The following RUFY1 variants were observed in gnomAD, a reference collection of about 807,000 sequenced individuals.
RUFY1 encodes the protein RUN and FYVE domain containing 1, also known as RUN and FYVE domain-containing protein 1.
RUFY1 carries 54 observed loss-of-function variants against 94.6 expected under a neutral mutation model. That is an observed-to-expected ratio of 0.57 (90% confidence interval 0.46 to 0.72). The LOEUF (loss-of-function observed/expected upper bound fraction) is 0.72. Ranked by LOEUF, RUFY1 falls within the 30% of genes least tolerant of loss-of-function variation. The pLI, the probability that RUFY1 is intolerant of heterozygous loss-of-function variation, is 0.00. For missense variants in RUFY1, 883 were observed against 883.9 expected, an observed-to-expected ratio of 1.00 and a Z score of 0.01; for synonymous variants, 396 against 347.3, an observed-to-expected ratio of 1.14 and a Z score of -1.56.
intron 5 of RUFY1, among the ~76,000 whole-genome samples, chr5:179,570,461 G>GT: frequency 6.6e-6 from 1 of 152,196 alleles, no homozygotes; most frequent in Non-Finnish European, 1.5e-5. Context: ...GTAAGGTGTA[G>GT]AGTGCTCTGT....
At chr5:179,574,818 A>G (rs868354038) in intron 5 of RUFY1, among the ~76,000 whole-genome samples, 8 of 152,296 alleles carry the variant, frequency 5.3e-5, no homozygotes, top group African/African-American at 1.4e-4. Context: ...TTATTTATCA[A>G]TTCTACTTTG....
At chr5:179,578,608 A>G (rs1016603396) in intron 6 of RUFY1, among the ~76,000 whole-genome samples, 1 of 151,964 alleles carries the variant, frequency 6.6e-6, no homozygotes, top group African/African-American at 2.4e-5. Context: ...GAAAAAAACA[A>G]TGTATAACAT....
At position 179,609,702 on chromosome 5, in the gene RUFY1, G is replaced by A. The variant is rs933223388; in HGVS notation, c.*183G>A. ...GCTCTCACCTTTCTGTGACTTGTTCGGAATTAACTCCTCTGGATGGAAACT... is the reference window on the plus strand; with the variant it reads ...GCTCTCACCTTTCTGTGACTTGTTCAGAATTAACTCCTCTGGATGGAAACT... On this transcript the variant is annotated 3_prime_UTR_variant, in exon 18 of 18. Transcript: ENST00000319449. 1.2e-4 allele frequency: 69 copies of A among 557,656 alleles called. 1 individual carries two copies. The highest frequency in any genetic ancestry group is 9.8e-4 in the African/African-American group (51 of 52,030). The allele number at this position is 557,656 out of a possible 1,614,324, so 34.5% of individuals were successfully genotyped here.
intron 7 of RUFY1, among the ~76,000 whole-genome samples, chr5:179,583,750 A>G (rs28674968): frequency 0.042 from 5,582 of 134,440 alleles, 361 homozygotes; most frequent in African/African-American, 0.14. Context: ...TTTATTTTTT[A>G]TTTTATTTTA....
chr5:179,577,628 TCCGGGGCTGGAGGGGAGG>T (rs1375660061), intron 6 of RUFY1, among the ~76,000 whole-genome samples: 2 of 62,956 alleles, frequency 3.2e-5, no homozygotes, highest in East Asian at 1.0e-3. Context: ...AAAGAGCAAA[TCCGGGGCTGGAGGGGAGG>T]GCGGGGGTGG....
At chr5:179,596,106 T>C (rs1765615212) in intron 12 of RUFY1, 1 of 211,548 alleles carries the variant, frequency 4.7e-6, no homozygotes, top group African/African-American at 2.4e-5. Context: ...CTGCATTGGG[T>C]GATGGATAAA....
At position 179,550,600 on chromosome 5, in the gene RUFY1, G is replaced by T. The variant is rs1457672802; in HGVS notation, c.31G>T (p.Gly11Trp). The T allele has an allele frequency of 9.3e-6, 12 of 1,293,350 alleles. No individual in the cohort carries two copies. The highest frequency in any genetic ancestry group is 1.1e-5 in the Non-Finnish European group (11 of 1,030,368). 80.1% of individuals were successfully genotyped at this position (1,293,350 alleles called of 1,614,324 possible). MADREGGCAA[G>W]RGRELEPELE... ...CGACCGGGAAGGCGGCTGCGCTGCTGGGCGGGGGCGGGAGCTGGAGCCGGA... is the reference window on the plus strand; with the variant it reads ...CGACCGGGAAGGCGGCTGCGCTGCTTGGCGGGGGCGGGAGCTGGAGCCGGA... The change falls in exon 1 of 18, where the codon GGG becomes TGG. Residue 11 changes from glycine to tryptophan, a missense_variant. Transcript: ENST00000319449.
intron 5 of RUFY1, 30 bp from the exon 6 acceptor site, chr5:179,577,045 A>C (rs972681185): frequency 7.0e-7 from 1 of 1,427,968 alleles, no homozygotes; most frequent in Non-Finnish European, 9.8e-7. Flanking sequence ...AGGACATTTT[A>C]TTTAAACTTG....
intron 14 of RUFY1, among the ~76,000 whole-genome samples, chr5:179,600,684 C>CTTTTTTTTTTTTTTTTTTTTT (rs398000079): frequency 1.8e-5 from 1 of 54,662 alleles, no homozygotes; most frequent in African/African-American, 8.0e-5. Context: ...ATGATGGTAA[C>CTTTTTTTTTTTTTTTTTTTTT]TTTTTTTTTT....
chr5:179,557,621 A>G (rs529364578), intron 1 of RUFY1, among the ~76,000 whole-genome samples: 2 of 152,232 alleles, frequency 1.3e-5, no homozygotes, highest in African/African-American at 4.8e-5. Context: ...ATTTTCATCA[A>G]ATACTTAGCT....
intron 6 of RUFY1, among the ~76,000 whole-genome samples, chr5:179,578,761 A>T (rs1219811035): frequency 6.6e-6 from 1 of 151,588 alleles, no homozygotes; most frequent in Non-Finnish European, 1.5e-5. Context: ...CTCCTGCCTC[A>T]ACCTTCCTGA....
At chr5:179,606,759 TTGA>T (rs1478058570) in intron 16 of RUFY1, 1 of 152,044 alleles carries the variant, frequency 6.6e-6, no homozygotes, top group Non-Finnish European at 1.5e-5. Flanking sequence ...CCAGAGCTCT[TTGA>T]TGTCAGGATG....
chr5:179,582,733 C>T (rs1199231758), intron 7 of RUFY1, among the ~76,000 whole-genome samples: 3 of 151,984 alleles, frequency 2.0e-5, no homozygotes, highest in Non-Finnish European at 2.9e-5. Flanking sequence ...ATCCCAGTTA[C>T]TCGAGAGGCT....
chr5:179,577,148 G>A lies in RUFY1; in HGVS notation c.890+12G>A, dbSNP rs369807065. On this transcript the variant is annotated intron_variant, in intron 6 of 17. Coordinates refer to ENST00000319449, the MANE Select transcript of RUFY1 (RefSeq NM_025158.5). ...GATGGTGGCAAGGAGTAAGTACTGC[G>A]TTGTATGTCACTTTTTTTTTTTTTT... The A allele has an allele frequency of 1.0e-4, 88 of 839,096 alleles. No individual in the cohort carries two copies. Among genetic ancestry groups the A allele is most frequent in the African/African-American group, 5.3e-4 (28 of 52,938 alleles). 52.0% of individuals were successfully genotyped at this position (839,096 alleles called of 1,614,324 possible). A position where few individuals can be genotyped will look rare whatever the true frequency, so the allele number is the denominator to read the frequency against.
chr5:179,607,660 G>A lies in RUFY1; in HGVS notation c.1983+1G>A. 6.2e-7 allele frequency: 1 copy of A among 1,613,222 alleles called. No homozygotes were observed. The highest frequency in any genetic ancestry group is 8.5e-7 in the Non-Finnish European group (1 of 1,179,270). On this transcript the variant is annotated splice_donor_variant, in intron 17 of 17. Coordinates refer to ENST00000319449, the MANE Select transcript of RUFY1 (RefSeq NM_025158.5). LOFTEE classifies it high-confidence loss of function. ...GGAGTTCTCCATTTCCCGGAGAAAGGTACGTGGGGGCTCCACCCACCCTCC... is the reference window on the plus strand; with the variant it reads ...GGAGTTCTCCATTTCCCGGAGAAAGATACGTGGGGGCTCCACCCACCCTCC...
At chr5:179,608,684 T>C in intron 17 of RUFY1, 1 of 966,116 alleles carries the variant, frequency 1.0e-6, no homozygotes, top group Non-Finnish European at 1.2e-6. Flanking sequence ...TCCTAGCACT[T>C]TGGGAGGCTG....
chr5:179,568,808 C>G (rs150368993), intron 4 of RUFY1, among the ~76,000 whole-genome samples: 2 of 152,308 alleles, frequency 1.3e-5, no homozygotes, highest in East Asian at 3.9e-4. Flanking sequence ...AGAGCAATAT[C>G]AGGCAGGGGA....
chr5:179,599,485 C>T (rs1766088262), intron 14 of RUFY1: 1 of 152,530 alleles, frequency 6.6e-6, no homozygotes, highest in East Asian at 1.9e-4. Context: ...CCTACATCAC[C>T]TCAGTTCCAT....
Position 179,555,620 on chromosome 5 carries a change from ACTTT to A in RUFY1, c.311-4404_311-4401del, listed in dbSNP as rs1762074357. ...ATGTAACCCCCTAAGAAAACTCCCAACTTTTTTTTTTTTTTTTTTTTTTTTTGAG... is the reference window on the plus strand; with the variant it reads ...ATGTAACCCCCTAAGAAAACTCCCAATTTTTTTTTTTTTTTTTTTTTTGAG... On this transcript the variant is annotated intron_variant, in intron 1 of 17. Transcript: ENST00000319449. 6 of 347,802 alleles carry A rather than the reference ACTTT, an allele frequency of 1.7e-5. No homozygotes were observed. In the Admixed American group the frequency reaches 2.4e-4, roughly 14 times the overall value. The allele number at this position is 347,802 out of a possible 1,614,324, so 21.5% of individuals were successfully genotyped here.
Sources: gnomAD v4.1 joint callset for allele counts (sites outside exome capture counted in the v4.1 genomes callset) on GRCh38, gnomAD v4.1.1 for gene constraint, MANE v1.5 for transcripts, NCBI Gene and HGNC (gene_info 2026-07-23, HGNC 2026-07-21) for gene names.